The following CACNA2D3 variants were observed in gnomAD, a reference collection of about 807,000 sequenced individuals.
The protein encoded by CACNA2D3 is calcium voltage-gated channel auxiliary subunit alpha2delta 3.
A neutral mutation model predicts 160.6 loss-of-function variants in CACNA2D3; 60 were observed. The ratio of observed to expected loss-of-function variants is 0.37; its 90% CI spans 0.30 to 0.46. The LOEUF is 0.46. CACNA2D3 is among the 20% of genes least tolerant of loss of function. The pLI is 1.00. For missense variants in CACNA2D3, 1,205 were observed against 1,365.0 expected (o/e 0.88, Z 1.85); for synonymous variants, 558 against 492.9 (o/e 1.13, Z -1.75).
intron 2 of CACNA2D3, among the ~76,000 whole-genome samples, chr3:54,309,266 G>A (rs1051674620): frequency 6.6e-6 from 1 of 152,212 alleles, no homozygotes. Context: ...ACGGATGGTT[G>A]TATCAATAGC....
rs569060521 is a variant in CACNA2D3 at position 54,594,035 on chromosome 3, A to G, written c.963+12158A>G. Among the ~76,000 whole-genome samples, 7 of 152,320 alleles carry G rather than the reference A, an allele frequency of 4.6e-5. No individual in the cohort carries two copies. The East Asian group carries it at 1.2e-3, about 25-fold the overall frequency. On this transcript the variant is annotated intron_variant, in intron 9 of 37. Coordinates refer to ENST00000474759, the MANE Select transcript of CACNA2D3 (RefSeq NM_018398.3). Reference sequence around the variant, plus strand: ...AAAATAACCAATATACTACTGGGGAACTAACACGATTAGCCAGTATATGCC... The same window carrying G: ...AAAATAACCAATATACTACTGGGGAGCTAACACGATTAGCCAGTATATGCC...
chr3:54,745,833 C>T (rs1417366998), intron 11 of CACNA2D3, among the ~76,000 whole-genome samples: 2 of 152,064 alleles, frequency 1.3e-5, no homozygotes, highest in East Asian at 3.9e-4. Flanking sequence ...TTTTTCAATA[C>T]CGCACTTGAG....
At chr3:54,856,810 T>A (rs1033438456) in intron 17 of CACNA2D3, among the ~76,000 whole-genome samples, 1 of 152,208 alleles carries the variant, frequency 6.6e-6, no homozygotes, top group Non-Finnish European at 1.5e-5. Flanking sequence ...AGACAGAATT[T>A]CACTTTGTTG....
At chr3:54,508,906 A>G (rs7372541) in intron 5 of CACNA2D3, among the ~76,000 whole-genome samples, 46,845 of 152,176 alleles carry the variant, frequency 0.31, 7,623 homozygotes, top group East Asian at 0.46. Flanking sequence ...TTACAGTCCA[A>G]TAGGTTCTTC....
chr3:54,286,626 G>C (rs113637056), intron 2 of CACNA2D3, among the ~76,000 whole-genome samples: 5,695 of 152,194 alleles, frequency 0.037, 371 homozygotes, highest in African/African-American at 0.13. Flanking sequence ...ACACATAATT[G>C]TCAGATTCAC....
chr3:55,039,412 T>A (rs991880316), intron 35 of CACNA2D3, among the ~76,000 whole-genome samples: 11 of 152,184 alleles, frequency 7.2e-5, no homozygotes, highest in African/African-American at 2.7e-4. Context: ...AAAAGATGAA[T>A]TGTGAAATGT....
At chr3:54,205,185 A>G (rs1701252731) in intron 2 of CACNA2D3, among the ~76,000 whole-genome samples, 1 of 152,230 alleles carries the variant, frequency 6.6e-6, no homozygotes, top group African/African-American at 2.4e-5. Context: ...TCACAGATAT[A>G]AAAAGCAGCC....
chr3:54,918,823 G>A, intron 27 of CACNA2D3: 1 of 1,601,994 alleles, frequency 6.2e-7, no homozygotes, highest in South Asian at 1.1e-5. Flanking sequence ...CAGCTCATGA[G>A]GGATCCTAAG....
intron 11 of CACNA2D3, among the ~76,000 whole-genome samples, chr3:54,687,121 CTTTTTTTTTTTTTG>C (rs1170170611): frequency 3.9e-4 from 37 of 94,978 alleles, no homozygotes; most frequent in South Asian, 1.7e-3. Context: ...TTTTCTTTTT[CTTTTTTTTTTTTTG>C]TTTTTTTTTT....
intron 17 of CACNA2D3, among the ~76,000 whole-genome samples, chr3:54,858,798 G>T (rs1485866293): frequency 2.6e-5 from 4 of 151,996 alleles, no homozygotes; most frequent in Non-Finnish European, 5.9e-5. Flanking sequence ...ATATCCAAAT[G>T]GTCCCAACTG....
At chr3:54,485,080 C>T (rs969332506) in intron 4 of CACNA2D3, among the ~76,000 whole-genome samples, 19 of 151,934 alleles carry the variant, frequency 1.3e-4, no homozygotes, top group East Asian at 1.9e-4. Context: ...CTCCTGACCT[C>T]GTGATTTGCC....
At chr3:54,935,057 A>G (rs1345732784) in intron 27 of CACNA2D3, among the ~76,000 whole-genome samples, 1 of 152,192 alleles carries the variant, frequency 6.6e-6, no homozygotes, top group Non-Finnish European at 1.5e-5. Flanking sequence ...GCTATTTAGC[A>G]GTTTTCTCAT....
intron 14 of CACNA2D3, among the ~76,000 whole-genome samples, chr3:54,822,665 G>T (rs527927777): frequency 6.6e-6 from 1 of 152,182 alleles, no homozygotes; most frequent in East Asian, 1.9e-4. Flanking sequence ...CCGAAGCTAC[G>T]TGTGGGTTCC....
intron 21 of CACNA2D3, among the ~76,000 whole-genome samples, chr3:54,881,790 T>G (rs1383690268): frequency 1.3e-5 from 2 of 152,208 alleles, no homozygotes; most frequent in African/African-American, 2.4e-5. Flanking sequence ...CGGAACTGAT[T>G]ACACATGTAT....
At chr3:54,606,749 C>A (rs554972960) in intron 9 of CACNA2D3, among the ~76,000 whole-genome samples, 20 of 152,256 alleles carry the variant, frequency 1.3e-4, no homozygotes, top group African/African-American at 4.8e-4. Context: ...AGCACTGGAT[C>A]CCTGGGTCAT....
intron 4 of CACNA2D3, among the ~76,000 whole-genome samples, chr3:54,392,892 A>T (rs2106677978): frequency 6.6e-6 from 1 of 152,316 alleles, no homozygotes; most frequent in South Asian, 2.1e-4. Flanking sequence ...TCTAGGAAAA[A>T]GGATTAGCAA....
intron 2 of CACNA2D3, among the ~76,000 whole-genome samples, chr3:54,235,551 T>G (rs1018456005): frequency 6.6e-6 from 1 of 152,112 alleles, no homozygotes; most frequent in Non-Finnish European, 1.5e-5. Context: ...ACTAAACCAT[T>G]CATGAGAAAT....
intron 4 of CACNA2D3, among the ~76,000 whole-genome samples, chr3:54,425,286 G>A (rs555874505): frequency 6.6e-6 from 1 of 152,202 alleles, no homozygotes; most frequent in Non-Finnish European, 1.5e-5. Flanking sequence ...AGCCGAGATC[G>A]TGCCATTGCA....
chr3:54,678,896 G>A (rs571529349), intron 11 of CACNA2D3, among the ~76,000 whole-genome samples: 3 of 152,170 alleles, frequency 2.0e-5, no homozygotes, highest in South Asian at 2.1e-4. Flanking sequence ...GTAGCTCAAC[G>A]AACAGTCTGA....
Sources: gnomAD v4.1 joint callset for allele counts (sites outside exome capture counted in the v4.1 genomes callset) on GRCh38, gnomAD v4.1.1 for gene constraint, MANE v1.5 for transcripts, NCBI Gene and HGNC (gene_info 2026-07-23, HGNC 2026-07-21) for gene names.